BCL7C: variants seen among roughly 807,000 people sequenced by gnomAD.
BCL7C encodes the protein B-cell CLL/lymphoma 7 protein family member C.
A neutral mutation model predicts 26.2 loss-of-function variants in BCL7C; 8 were observed. That is an observed-to-expected ratio of 0.30 (90% CI 0.18 to 0.55). The LOEUF is 0.55. Among genes scored for constraint, BCL7C ranks in the 20% least tolerant of loss-of-function variants. The pLI, the probability that BCL7C is intolerant of heterozygous loss-of-function variation, is 0.93. For missense variants in BCL7C, 262 were observed against 298.5 expected, an observed-to-expected ratio of 0.88 and a Z score of 0.90; for synonymous variants, 90 against 116.5, an observed-to-expected ratio of 0.77 and a Z score of 1.47.
chr16:30,887,841 C>T lies in BCL7C; in HGVS notation c.*24G>A. 2 of 1,544,352 alleles carry T rather than the reference C, an allele frequency of 1.3e-6. No individual in the cohort carries two copies. Among genetic ancestry groups the T allele is most frequent in the Non-Finnish European group, 1.7e-6 (2 of 1,152,914 alleles). On this transcript the variant is annotated 3_prime_UTR_variant, in exon 6 of 6. Coordinates refer to ENST00000215115, the MANE Select transcript of BCL7C (RefSeq NM_004765.4). ...TAAAAAGCCAAAGGGGCCCCTGGGG[C>T]AACAGGACAGGCAGGCCGGCTTCTC... is the stretch of plus-strand genomic sequence containing the variant.
downstream of BCL7C, among the ~76,000 whole-genome samples, chr16:30,887,315 A>T (rs1165367300): frequency 6.6e-6 from 1 of 151,818 alleles, no homozygotes; most frequent in East Asian, 1.9e-4. Context: ...CTAAAAAAAA[A>T]TAGTGATAAA....
chr16:30,893,339 C>T lies in BCL7C; in HGVS notation c.93-49G>A, dbSNP rs1203070940. ...TCAGAGAGGCCTGAGGGGAGACCCA[C>T]CCCCCTAGGAGCTGGACACATCTGG... On this transcript the variant is annotated intron_variant, in intron 1 of 5. Coordinates refer to ENST00000215115, the MANE Select transcript of BCL7C (RefSeq NM_004765.4). This position sits in a 1 kb window ranked among gnomAD's most constrained non-coding sequence, Gnocchi z 5.2. The T allele has an allele frequency of 4.0e-6, 6 of 1,504,630 alleles. No homozygotes were observed. Among genetic ancestry groups the T allele is most frequent in the East Asian group, 2.3e-5 (1 of 43,772 alleles). The allele number at this position is 1,504,630 out of a possible 1,614,324, so 93.2% of individuals were successfully genotyped here.
chr16:30,845,881 C>T (rs1458270140), intron 5 of BCL7C, among the ~76,000 whole-genome samples: 5 of 151,734 alleles, frequency 3.3e-5, no homozygotes, highest in Non-Finnish European at 5.9e-5. Context: ...CCGAGACAGG[C>T]GGATCACAAG....
chr16:30,836,805 G>A (rs1260271512), intron 5 of BCL7C, among the ~76,000 whole-genome samples: 9 of 143,500 alleles, frequency 6.3e-5, no homozygotes, highest in Middle Eastern at 3.8e-3. Flanking sequence ...TTTTTTTTTT[G>A]TTTTTTGAGA....
intron 5 of BCL7C, among the ~76,000 whole-genome samples, chr16:30,879,977 G>A (rs905229777): frequency 4.1e-5 from 6 of 146,654 alleles, no homozygotes; most frequent in African/African-American, 7.4e-5. Context: ...GTGACAGAGC[G>A]TGATTCCGTC....
At chr16:30,871,959 A>G (rs2054886156) in intron 5 of BCL7C, among the ~76,000 whole-genome samples, 1 of 152,118 alleles carries the variant, frequency 6.6e-6, no homozygotes, top group Non-Finnish European at 1.5e-5. Flanking sequence ...GGACTGAGTT[A>G]AATCGGTGTT....
downstream of BCL7C, among the ~76,000 whole-genome samples, chr16:30,884,392 C>T (rs4889653): frequency 0.75 from 114,093 of 151,836 alleles, 43,429 homozygotes; most frequent in East Asian, 0.91. Context: ...TGAGCACTTA[C>T]TACGTCCCAG....
chr16:30,865,814 C>T (rs2054820921), intron 5 of BCL7C, among the ~76,000 whole-genome samples: 1 of 150,580 alleles, frequency 6.6e-6, no homozygotes, highest in African/African-American at 2.4e-5. Flanking sequence ...GCAACCTCCA[C>T]CTCCCAGGTT....
chr16:30,854,204 T>C (rs1202639108), intron 5 of BCL7C, among the ~76,000 whole-genome samples: 1 of 152,174 alleles, frequency 6.6e-6, no homozygotes, highest in Non-Finnish European at 1.5e-5. Flanking sequence ...ACTTAGATAT[T>C]GGGATGAATA....
chr16:30,871,598 C>T (rs774385710), intron 5 of BCL7C, among the ~76,000 whole-genome samples: 7 of 152,022 alleles, frequency 4.6e-5, no homozygotes, highest in Non-Finnish European at 1.0e-4. Context: ...GATTCTCCTG[C>T]CTCAGCCTCC....
Position 30,893,377 on chromosome 16 carries a change from A to G in BCL7C, c.93-87T>C. 2.0e-6 allele frequency: 2 copies of G among 1,000,876 alleles called. No individual in the cohort carries two copies. Among genetic ancestry groups the G allele is most frequent in the Non-Finnish European group, 3.0e-6 (2 of 667,778 alleles). 62.0% of individuals were successfully genotyped at this position (1,000,876 alleles called of 1,614,324 possible). A position where few individuals can be genotyped will look rare whatever the true frequency, so the allele number is the denominator to read the frequency against. ...TGGACACATCTGGGGGTACCTGCAG[A>G]GGTTGAGGAGGCACAGGAGGATAGC... On this transcript the variant is annotated intron_variant, in intron 1 of 5. Transcript: ENST00000215115. The surrounding 1 kb of genome is among the most constrained non-coding windows in gnomAD (Gnocchi z 5.2).
At chr16:30,843,868 C>T (rs1393701811) in intron 5 of BCL7C, among the ~76,000 whole-genome samples, 8 of 150,942 alleles carry the variant, frequency 5.3e-5, no homozygotes, top group Non-Finnish European at 1.2e-4. Context: ...GGTGAAACCT[C>T]ATCTCTACTA....
intron 5 of BCL7C, among the ~76,000 whole-genome samples, chr16:30,847,919 C>T (rs988228074): frequency 5.3e-5 from 8 of 151,880 alleles, no homozygotes; most frequent in African/African-American, 9.7e-5. Flanking sequence ...ATTGTTGATA[C>T]GTTAGCAGAA....
chr16:30,890,446 T>G (rs1482654603), intron 4 of BCL7C, among the ~76,000 whole-genome samples: 2 of 151,700 alleles, frequency 1.3e-5, no homozygotes, highest in Non-Finnish European at 2.9e-5. Context: ...AGATGCTGGC[T>G]CACTGGCTGA....
intron 5 of BCL7C, among the ~76,000 whole-genome samples, chr16:30,852,936 AT>A (rs766028397): frequency 1.2e-4 from 18 of 149,328 alleles, no homozygotes; most frequent in Non-Finnish European, 1.3e-4. Context: ...TTTCTATTTT[AT>A]TTTATTTATT....
rs562632518 is a variant in BCL7C at position 30,890,409 on chromosome 16, A to G, written c.443-1464T>C. On this transcript the variant is annotated intron_variant, in intron 4 of 5. Transcript: ENST00000215115. ...ACTCCATCTCAAAGGAAAAAAAAAAAGCAGAGCTGATGAGGACACAGGCCC... is the reference window on the plus strand; with the variant it reads ...ACTCCATCTCAAAGGAAAAAAAAAAGGCAGAGCTGATGAGGACACAGGCCC... Among the ~76,000 whole-genome samples the G allele has an allele frequency of 3.7e-4, 56 of 152,128 alleles. No homozygotes were observed. In the South Asian group the frequency reaches 0.012, roughly 32 times the overall value.
In BCL7C at chr16:30,891,446, C is replaced by T. The variant is rs192640911; in HGVS notation, c.442+1140G>A. 2.3e-3 allele frequency among the ~76,000 whole-genome samples: 350 copies of T among 152,000 alleles called. 1 individual carries two copies. The highest frequency in any genetic ancestry group is 8.1e-3 in the African/African-American group (335 of 41,438). On this transcript the variant is annotated intron_variant, in intron 4 of 5. Coordinates refer to ENST00000215115, the MANE Select transcript of BCL7C (RefSeq NM_004765.4). ...CGTCGCACTCCAGCCTTGGCAAGAG[C>T]GAAACTCTCTCAAAGAAAAGAAAAA...
At position 30,893,180 on chromosome 16, in the gene BCL7C, T is replaced by C; in HGVS notation, c.171+32A>G. On this transcript the variant is annotated intron_variant, in intron 2 of 5. Transcript: ENST00000215115. The surrounding 1 kb of genome is among the most constrained non-coding windows in gnomAD (Gnocchi z 5.2). ...AGGAACTTGCCTGAGGTTGCACAGATGCAGGGCCTTGTGGGAATGGGGGTT... is the reference window on the plus strand; with the variant it reads ...AGGAACTTGCCTGAGGTTGCACAGACGCAGGGCCTTGTGGGAATGGGGGTT... 1 of 1,603,914 alleles carries C rather than the reference T, an allele frequency of 6.2e-7. No individual in the cohort carries two copies. Among genetic ancestry groups the C allele is most frequent in the Non-Finnish European group, 8.5e-7 (1 of 1,173,418 alleles).
chr16:30,841,293 C>T (rs987482799), intron 5 of BCL7C, among the ~76,000 whole-genome samples: 3 of 152,126 alleles, frequency 2.0e-5, no homozygotes, highest in Non-Finnish European at 4.4e-5. Context: ...GGTCCTGATA[C>T]CTCAGAATGT....
Sources: gnomAD v4.1 joint callset for allele counts (sites outside exome capture counted in the v4.1 genomes callset) on GRCh38, gnomAD v4.1.1 for gene constraint, Gnocchi (gnomAD v3.1) non-coding constraint, MANE v1.5 for transcripts, NCBI Gene and HGNC (gene_info 2026-07-23, HGNC 2026-07-21) for gene names.